The following CADM1 variants were observed in gnomAD, a reference collection of about 807,000 sequenced individuals.
The protein encoded by CADM1 is TSLC-1.
Under a neutral mutation model 53.1 loss-of-function variants are expected in CADM1, and 15 were observed. The observed-to-expected ratio is 0.28, with a 90% confidence interval of 0.19 to 0.44. The LOEUF (loss-of-function observed/expected upper bound fraction) is 0.44. CADM1 is among the 20% of genes least tolerant of loss of function. The probability of loss-of-function intolerance (pLI) is 1.00; values close to 1 mark genes in which losing one functional copy is unlikely to be tolerated. For synonymous variants in CADM1, 281 were observed against 243.0 expected, an observed-to-expected ratio of 1.16 and a Z score of -1.45; for missense variants, 434 against 611.3, an observed-to-expected ratio of 0.71 and a Z score of 3.06.
chr11:115,190,492 T>A, intron 10 of CADM1: 1 of 167,294 alleles, frequency 6.0e-6, no homozygotes, highest in Non-Finnish European at 1.3e-5. Flanking sequence ...AGTCAATGAG[T>A]TGCTTGTTTT....
At chr11:115,194,264 G>A (rs1436852422) in intron 9 of CADM1, among the ~76,000 whole-genome samples, 1 of 152,210 alleles carries the variant, frequency 6.6e-6, no homozygotes, top group Non-Finnish European at 1.5e-5. Flanking sequence ...TGCTGGCTAT[G>A]TTTCTTTAAA....
At chr11:115,430,676 T>G (rs2135294596) in intron 1 of CADM1, among the ~76,000 whole-genome samples, 1 of 152,332 alleles carries the variant, frequency 6.6e-6, no homozygotes, top group Non-Finnish European at 1.5e-5. Flanking sequence ...TTTCATGTTT[T>G]GCCTTTTTCA....
At chr11:115,360,931 T>G (rs1946010383) in intron 1 of CADM1, among the ~76,000 whole-genome samples, 1 of 152,228 alleles carries the variant, frequency 6.6e-6, no homozygotes, top group Non-Finnish European at 1.5e-5. Context: ...ACAGTTGTAG[T>G]CCTCACGGCA....
Position 115,326,266 on chromosome 11 carries a change from T to C in CADM1, c.125-85846A>G, listed in dbSNP as rs542087138. On this transcript the variant is annotated intron_variant, in intron 1 of 11. Transcript: ENST00000331581. ...TTATCAACACTGATTTCTAAATTAA[T>C]TAACTTAAAATTAACACAAAACAAT... Among the ~76,000 whole-genome samples the C allele has an allele frequency of 2.6e-4, 40 of 152,172 alleles. 1 individual carries two copies. The highest frequency in any genetic ancestry group is 5.4e-4 in the Non-Finnish European group (37 of 68,034).
chr11:115,280,670 G>A lies in CADM1; in HGVS notation c.125-40250C>T, dbSNP rs140018293. On this transcript the variant is annotated intron_variant, in intron 1 of 11. Transcript: ENST00000331581. ...AAAGCAGGCCTCCTGCAACAGCTAC[G>A]ACTCAGATCTTCACAGATCCGTGGT... is the stretch of plus-strand genomic sequence containing the variant. 5.9e-3 allele frequency among the ~76,000 whole-genome samples: 895 copies of A among 152,200 alleles called. 10 individuals carry two copies. Among genetic ancestry groups the A allele is most frequent in the Middle Eastern group, 0.02 (6 of 294 alleles).
intron 1 of CADM1, among the ~76,000 whole-genome samples, chr11:115,251,274 G>A (rs888729403): frequency 6.6e-6 from 1 of 152,200 alleles, no homozygotes; most frequent in Non-Finnish European, 1.5e-5. Context: ...TGTAATAGCA[G>A]TCTCTCTCTA....
intron 1 of CADM1, among the ~76,000 whole-genome samples, chr11:115,405,050 C>G (rs1947279964): frequency 6.6e-6 from 1 of 152,210 alleles, no homozygotes; most frequent in South Asian, 2.1e-4. Flanking sequence ...GTCTCAAACT[C>G]CTAGGCTCAA....
chr11:115,493,037 C>T (rs1283843979), intron 1 of CADM1, among the ~76,000 whole-genome samples: 2 of 151,862 alleles, frequency 1.3e-5, no homozygotes, highest in South Asian at 4.1e-4. Flanking sequence ...GATGTGTCCG[C>T]TGTCTAAATA....
At chr11:115,485,362 C>T (rs1439822291) in intron 1 of CADM1, among the ~76,000 whole-genome samples, 1 of 152,214 alleles carries the variant, frequency 6.6e-6, no homozygotes, top group Non-Finnish European at 1.5e-5. Flanking sequence ...TTGGCACACA[C>T]TGGGCCTTTG....
In CADM1 at chr11:115,368,771, C is replaced by T. The variant is rs11215520; in HGVS notation, c.125-128351G>A. Among the ~76,000 whole-genome samples the T allele has an allele frequency of 5.1e-3, 776 of 152,116 alleles. 8 individuals are homozygous for T. Among genetic ancestry groups the T allele is most frequent in the African/African-American group, 0.018 (746 of 41,508 alleles). On this transcript the variant is annotated intron_variant, in intron 1 of 11. Coordinates refer to ENST00000331581, the MANE Select transcript of CADM1 (RefSeq NM_001301043.2). ...CTGAATAATAACTCCTAGTACAGTA[C>T]TGTCCAACAGAAGTTTCTGCAGTGT... is the stretch of plus-strand genomic sequence containing the variant.
chr11:115,354,758 C>G (rs1001190717), intron 1 of CADM1, among the ~76,000 whole-genome samples: 7 of 152,134 alleles, frequency 4.6e-5, no homozygotes, highest in African/African-American at 1.7e-4. Flanking sequence ...TTTCAAATAA[C>G]ACTGAAATTC....
Position 115,304,170 on chromosome 11 carries a change from TA to T in CADM1, c.125-63751del, listed in dbSNP as rs1944304780. 2.6e-5 allele frequency among the ~76,000 whole-genome samples: 4 copies of T among 152,050 alleles called. No homozygotes were observed. The South Asian group carries it at 8.3e-4, about 31-fold the overall frequency. ...CATTTGTGATCTGAGTCTCAGATTT[TA>T]AAAAATGGATCTTTGCCTGCCTTGA... On this transcript the variant is annotated intron_variant, in intron 1 of 11. Transcript: ENST00000331581.
At chr11:115,220,921 T>C (rs563873769) in intron 5 of CADM1, among the ~76,000 whole-genome samples, 1 of 152,338 alleles carries the variant, frequency 6.6e-6, no homozygotes, top group Non-Finnish European at 1.5e-5. Flanking sequence ...AGATGGCTGA[T>C]TGAATAGCCC....
chr11:115,336,164 T>C (rs934285153), intron 1 of CADM1, among the ~76,000 whole-genome samples: 14 of 152,176 alleles, frequency 9.2e-5, no homozygotes, highest in Admixed American at 6.6e-5. Flanking sequence ...TCTTTTTTAC[T>C]GTATGTGGAG....
At chr11:115,322,819 G>C (rs138235360) in intron 1 of CADM1, among the ~76,000 whole-genome samples, 3 of 151,988 alleles carry the variant, frequency 2.0e-5, no homozygotes, top group Non-Finnish European at 2.9e-5. Flanking sequence ...ATGGATATTG[G>C]ATATTGTTTC....
chr11:115,365,740 T>TA (rs1007307680), intron 1 of CADM1, among the ~76,000 whole-genome samples: 28 of 149,448 alleles, frequency 1.9e-4, no homozygotes, highest in Admixed American at 3.3e-4. Flanking sequence ...CGGCAAAAAA[T>TA]AAAAAAAAAA....
At chr11:115,327,733 C>T (rs1944997746) in intron 1 of CADM1, among the ~76,000 whole-genome samples, 1 of 152,112 alleles carries the variant, frequency 6.6e-6, no homozygotes, top group African/African-American at 2.4e-5. Context: ...GTGACCAAGC[C>T]TCAGTGTCCT....
At chr11:115,413,740 G>T (rs1234211320) in intron 1 of CADM1, among the ~76,000 whole-genome samples, 1 of 150,338 alleles carries the variant, frequency 6.7e-6, no homozygotes, top group African/African-American at 2.4e-5. Flanking sequence ...TGCTTCCAGG[G>T]TTTAAGTGAT....
intron 1 of CADM1, among the ~76,000 whole-genome samples, chr11:115,272,623 A>C (rs1002941901): frequency 6.6e-6 from 1 of 151,828 alleles, no homozygotes; most frequent in Non-Finnish European, 1.5e-5. Context: ...ATAATTCCGT[A>C]TTTTTCAGAA....
Sources: allele counts gnomAD v4.1 joint callset (sites outside exome capture counted in the v4.1 genomes callset), GRCh38; gene constraint gnomAD v4.1.1; transcripts MANE v1.5; gene names NCBI Gene and HGNC (gene_info 2026-07-23, HGNC 2026-07-21).